ASIC2: variants seen among roughly 807,000 people sequenced by gnomAD.
ASIC2 encodes the protein acid sensing ion channel subunit 2, also known as acid-sensing ion channel 2.
A neutral mutation model predicts 57.3 loss-of-function variants in ASIC2; 25 were observed. That is an observed-to-expected ratio of 0.44 (90% CI 0.32 to 0.61). ASIC2 has a LOEUF of 0.61. ASIC2 is among the 20% of genes least tolerant of loss of function. ASIC2 has a pLI of 0.06. For synonymous variants in ASIC2, 319 were observed against 307.5 expected (o/e 1.04, Z -0.39); for missense variants, 641 against 738.1 (o/e 0.87, Z 1.52).
chr17:33,852,921 C>T (rs1210289427), intron 1 of ASIC2, among the ~76,000 whole-genome samples: 3 of 152,136 alleles, frequency 2.0e-5, no homozygotes, highest in East Asian at 1.9e-4. Context: ...AGTACCAACA[C>T]AAGCACTGCC....
intron 1 of ASIC2, among the ~76,000 whole-genome samples, chr17:33,575,404 T>C (rs575863559): frequency 3.6e-4 from 55 of 152,324 alleles, no homozygotes; most frequent in African/African-American, 1.3e-3. Flanking sequence ...CTGTGAAATG[T>C]AGAGTGTGAT....
intron 3 of ASIC2, among the ~76,000 whole-genome samples, chr17:33,057,658 C>T (rs1052784488): frequency 6.6e-6 from 1 of 152,226 alleles, no homozygotes; most frequent in African/African-American, 2.4e-5. Flanking sequence ...CATTTCTAAG[C>T]AGAAGCCCAG....
At chr17:33,384,362 C>T (rs898683351) in intron 1 of ASIC2, among the ~76,000 whole-genome samples, 5 of 152,144 alleles carry the variant, frequency 3.3e-5, no homozygotes, top group Admixed American at 6.5e-5. Context: ...AAAGAATGCT[C>T]TAATAAGTCA....
chr17:33,461,551 G>T lies in ASIC2; in HGVS notation c.556-349484C>A, dbSNP rs142771130. On this transcript the variant is annotated intron_variant, in intron 1 of 9. Transcript: ENST00000359872. ...TGGGAGCTGCCTGGCATGATCAGGG[G>T]CACTTAGAGAGCAATGAAAAAGGGC... is the stretch of plus-strand genomic sequence containing the variant. Among the ~76,000 whole-genome samples, 134 of 152,284 alleles carry T rather than the reference G, an allele frequency of 8.8e-4. 1 individual carries two copies. The East Asian group carries it at 0.024, about 27-fold the overall frequency.
At chr17:33,833,778 G>A (rs555925781) in intron 1 of ASIC2, among the ~76,000 whole-genome samples, 2 of 152,040 alleles carry the variant, frequency 1.3e-5, no homozygotes, top group South Asian at 2.1e-4. Context: ...TATTGCAGCT[G>A]GGCACACTGT....
At chr17:34,028,017 T>C (rs1907443101) in intron 1 of ASIC2, among the ~76,000 whole-genome samples, 1 of 152,222 alleles carries the variant, frequency 6.6e-6, no homozygotes, top group South Asian at 2.1e-4. Flanking sequence ...TGTTATCATA[T>C]TCCACATATA....
chr17:33,441,133 T>G (rs1461138824), intron 1 of ASIC2, among the ~76,000 whole-genome samples: 2 of 152,088 alleles, frequency 1.3e-5, no homozygotes, highest in Non-Finnish European at 2.9e-5. Flanking sequence ...CATGCCTGGC[T>G]AATTTATTTA....
Position 33,024,008 on chromosome 17 carries a change from A to G in ASIC2, c.1202T>C (p.Leu401Ser). 1.2e-6 allele frequency: 2 copies of G among 1,614,098 alleles called. No homozygotes were observed. The highest frequency in any genetic ancestry group is 1.7e-6 in the Non-Finnish European group (2 of 1,179,998). ...ACAGTAATTGCTGTCCTTTTCCGCC[A>G]ACAGACCTGGAGGGGAGAGTGAGGT... ...KECAEPALGL[L>S]AEKDSNYCLC... The change falls in exon 6 of 10, where the codon TTG becomes TCG. Residue 401 changes from leucine to serine, a missense_variant. Transcript: ENST00000225823.
intron 1 of ASIC2, among the ~76,000 whole-genome samples, chr17:34,061,412 C>T (rs1908964678): frequency 6.6e-6 from 1 of 152,154 alleles, no homozygotes; most frequent in African/African-American, 2.4e-5. Flanking sequence ...GCATAAATCA[C>T]ACGGGACCTA....
At chr17:33,444,404 C>T (rs1045249361) in intron 1 of ASIC2, among the ~76,000 whole-genome samples, 1 of 152,078 alleles carries the variant, frequency 6.6e-6, no homozygotes, top group African/African-American at 2.4e-5. Flanking sequence ...GAGTGGGTAA[C>T]CAAGAGGTCA....
chr17:34,046,379 G>A (rs1296721978), intron 1 of ASIC2, among the ~76,000 whole-genome samples: 1 of 152,184 alleles, frequency 6.6e-6, no homozygotes, highest in Non-Finnish European at 1.5e-5. Context: ...TTTGGATTAG[G>A]GTTAGGAGCT....
chr17:34,114,841 G>A (rs1045205970), intron 1 of ASIC2, among the ~76,000 whole-genome samples: 2 of 152,168 alleles, frequency 1.3e-5, no homozygotes, highest in Non-Finnish European at 2.9e-5. Flanking sequence ...ATAAGGTCAG[G>A]AGGCAGGGCA....
intron 1 of ASIC2, among the ~76,000 whole-genome samples, chr17:33,829,696 C>A (rs1258724776): frequency 6.6e-6 from 1 of 151,868 alleles, no homozygotes; most frequent in Non-Finnish European, 1.5e-5. Context: ...CCTGACTCAG[C>A]CTCCTGAGGG....
chr17:33,121,288 C>T (rs2092301288), intron 1 of ASIC2, among the ~76,000 whole-genome samples: 2 of 152,214 alleles, frequency 1.3e-5, no homozygotes, highest in African/African-American at 4.8e-5. Flanking sequence ...ATTCCAGGAA[C>T]CACATCAGGC....
At chr17:33,179,801 T>C (rs1228653227) in intron 1 of ASIC2, among the ~76,000 whole-genome samples, 1 of 152,222 alleles carries the variant, frequency 6.6e-6, no homozygotes, top group Non-Finnish European at 1.5e-5. Context: ...TCTGCTCAAA[T>C]GGCCCTTTCG....
At chr17:33,268,299 T>G (rs942769379) in intron 1 of ASIC2, among the ~76,000 whole-genome samples, 30 of 152,090 alleles carry the variant, frequency 2.0e-4, no homozygotes, top group Admixed American at 6.6e-5. Context: ...CTAACTGATA[T>G]CCACCCATCA....
At chr17:33,652,622 C>T (rs900912997) in intron 1 of ASIC2, among the ~76,000 whole-genome samples, 4 of 152,194 alleles carry the variant, frequency 2.6e-5, no homozygotes, top group African/African-American at 9.7e-5. Context: ...AGAATCCCTC[C>T]TTCTGCTATT....
chr17:34,140,338 T>C lies in ASIC2; in HGVS notation c.555+15640A>G, dbSNP rs139267570. 5.8e-3 allele frequency among the ~76,000 whole-genome samples: 888 copies of C among 152,300 alleles called. 5 individuals carry two copies. The highest frequency in any genetic ancestry group is 8.3e-3 in the Non-Finnish European group (568 of 68,024). Reference sequence around the variant, plus strand: ...CAGAGTGAACCCTGTGCTGTTAGACTGGAATAAGCGGCATCTGTGTAAATT... The same window carrying C: ...CAGAGTGAACCCTGTGCTGTTAGACCGGAATAAGCGGCATCTGTGTAAATT... On this transcript the variant is annotated intron_variant, in intron 1 of 9. Transcript: ENST00000359872.
intron 1 of ASIC2, among the ~76,000 whole-genome samples, chr17:33,628,160 C>T (rs989187309): frequency 5.9e-5 from 9 of 152,292 alleles, no homozygotes; most frequent in East Asian, 5.8e-4. Flanking sequence ...AGGGTGGTCC[C>T]GATGCCTGGG....
Sources: gnomAD v4.1 joint callset for allele counts (sites outside exome capture counted in the v4.1 genomes callset) on GRCh38, gnomAD v4.1.1 for gene constraint, MANE v1.5 for transcripts, NCBI Gene and HGNC (gene_info 2026-07-23, HGNC 2026-07-21) for gene names.